The following HGF variants were observed in gnomAD, a reference collection of about 807,000 sequenced individuals.
HGF encodes the protein hepatocyte growth factor.
HGF carries 39 observed loss-of-function variants against 111.6 expected under a neutral mutation model. The observed-to-expected ratio is 0.35, with a 90% CI of 0.27 to 0.46. HGF has a LOEUF of 0.46. HGF is among the 20% of genes least tolerant of loss of function. HGF has a pLI of 1.00. For synonymous variants in HGF, 285 were observed against 294.8 expected, an observed-to-expected ratio of 0.97 and a Z score of 0.34; for missense variants, 735 against 910.5, an observed-to-expected ratio of 0.81 and a Z score of 2.48.
intron 7 of HGF, among the ~76,000 whole-genome samples, chr7:81,734,024 T>A (rs1341379587): frequency 1.3e-5 from 2 of 152,114 alleles, no homozygotes; most frequent in African/African-American, 4.8e-5. Flanking sequence ...ACATGGGACC[T>A]GAGTAAGGGA....
chr7:81,710,051 G>T (rs1789531146), intron 13 of HGF, 96 bp downstream of exon 13: 2 of 867,228 alleles, frequency 2.3e-6, no homozygotes, highest in East Asian at 2.5e-5. Context: ...CCTGTGGAGG[G>T]TACAACCTTC....
intron 7 of HGF, among the ~76,000 whole-genome samples, chr7:81,741,532 G>A (rs1788000610): frequency 6.6e-6 from 1 of 151,984 alleles, no homozygotes; most frequent in South Asian, 2.1e-4. Flanking sequence ...CTTGGTGTGT[G>A]CATGCCAGTT....
chr7:81,762,517 C>T (rs1161483702), intron 2 of HGF, among the ~76,000 whole-genome samples, 190 bp downstream of exon 2: 3 of 152,126 alleles, frequency 2.0e-5, no homozygotes, highest in Admixed American at 1.3e-4. Flanking sequence ...GCAGTTTTTG[C>T]GCTCTCCCTT....
intron 7 of HGF, among the ~76,000 whole-genome samples, chr7:81,737,491 G>A (rs746441967): frequency 6.6e-6 from 1 of 152,012 alleles, no homozygotes; most frequent in Non-Finnish European, 1.5e-5. Flanking sequence ...GGGTCCAGGA[G>A]ATCAAAACTA....
intron 5 of HGF, among the ~76,000 whole-genome samples, chr7:81,748,910 T>C (rs1050834560): frequency 3.3e-5 from 5 of 152,174 alleles, no homozygotes; most frequent in Non-Finnish European, 7.4e-5. Context: ...TTCTCCGTCA[T>C]AAAACAGGAG....
At chr7:81,740,497 T>C (rs1787967711) in intron 7 of HGF, among the ~76,000 whole-genome samples, 1 of 152,206 alleles carries the variant, frequency 6.6e-6, no homozygotes, top group Admixed American at 6.5e-5. Context: ...GGTTATATTA[T>C]ACAACAAAGA....
At chr7:81,717,405 T>C in intron 10 of HGF, 40 bp from the exon 11 acceptor site, 3 of 1,590,462 alleles carry the variant, frequency 1.9e-6, no homozygotes, top group Non-Finnish European at 2.6e-6. Context: ...AAGATGCTCA[T>C]TCCATCCAAG....
At chr7:81,706,746 T>G (rs1393391722) in intron 14 of HGF, among the ~76,000 whole-genome samples, 2 of 152,006 alleles carry the variant, frequency 1.3e-5, no homozygotes, top group African/African-American at 4.8e-5. Context: ...AAATTTTGCT[T>G]TGTTTATGTC....
intron 11 of HGF, among the ~76,000 whole-genome samples, chr7:81,713,537 CA>C (rs11432359): frequency 0.013 from 1,859 of 144,010 alleles, 32 homozygotes; most frequent in African/African-American, 0.042. Context: ...TACTCTGTCT[CA>C]AAAAAAAAAA....
At chr7:81,718,474 T>C (rs1188211996) in intron 10 of HGF, among the ~76,000 whole-genome samples, 1 of 152,194 alleles carries the variant, frequency 6.6e-6, no homozygotes, top group Non-Finnish European at 1.5e-5. Context: ...GAGTCAGTGC[T>C]CAAAACCGCC....
intron 1 of HGF, among the ~76,000 whole-genome samples, chr7:81,768,145 C>T (rs561123112): frequency 2.6e-5 from 4 of 152,272 alleles, no homozygotes; most frequent in African/African-American, 7.2e-5. Flanking sequence ...ATGTATGTCT[C>T]CTGCCAAAAG....
chr7:81,707,486 T>G, intron 13 of HGF, 122 bp from the exon 14 acceptor site: 1 of 668,498 alleles, frequency 1.5e-6, no homozygotes, highest in Non-Finnish European at 2.7e-6. Flanking sequence ...ATATAGAAAT[T>G]AACCCAACTG....
intron 12 of HGF, 22 bp from the exon 13 acceptor site, chr7:81,710,265 C>T (rs1236793997): frequency 6.6e-7 from 1 of 1,521,384 alleles, no homozygotes. Context: ...CCAAACATAA[C>T]ATTTTTTAAA....
At chr7:81,738,647 T>A (rs1044336134) in intron 7 of HGF, among the ~76,000 whole-genome samples, 2 of 152,144 alleles carry the variant, frequency 1.3e-5, no homozygotes, top group African/African-American at 4.8e-5. Context: ...CTAGAACACA[T>A]TTGTAGTTCA....
chr7:81,726,103 T>G lies in HGF; in HGVS notation c.1041-86A>C, dbSNP rs1790001178. On this transcript the variant is annotated intron_variant, in intron 8 of 17. Transcript: ENST00000222390. ...CTATTACATTTCTAGAATTCTAGAA[T>G]GTATGCATGTTTATAAATAGAGTTC... 6 of 1,293,264 alleles carry G rather than the reference T, an allele frequency of 4.6e-6. No homozygotes were observed. The South Asian group carries it at 7.1e-5, about 15-fold the overall frequency. The allele number at this position is 1,293,264 out of a possible 1,614,324, so 80.1% of individuals were successfully genotyped here. A position where few individuals can be genotyped will look rare whatever the true frequency, so the allele number is the denominator to read the frequency against.
At chr7:81,704,924 A>T (rs1430410348) in intron 17 of HGF, among the ~76,000 whole-genome samples, 1 of 151,858 alleles carries the variant, frequency 6.6e-6, no homozygotes, top group Non-Finnish European at 1.5e-5. Flanking sequence ...AATCTGTTTA[A>T]ACACATACAC....
In HGF at chr7:81,705,451, A is replaced by G; in HGVS notation, c.1949T>C (p.Val650Ala). The change falls in exon 17 of 18, where the codon GTG (valine) becomes GCG (alanine). Residue 650 changes from valine to alanine, a missense_variant. Coordinates refer to ENST00000222390, the MANE Select transcript of HGF (RefSeq NM_000601.6). The part of the protein sequence containing the change: ...EKCSQHHRGK[V>A]TLNESEICAG... Reference sequence around the variant, plus strand: ...ACATATTTCAGACTCATTCAGAGTCACCTTCCCTCGATGATGCTGGCTGCA... The same window carrying G: ...ACATATTTCAGACTCATTCAGAGTCGCCTTCCCTCGATGATGCTGGCTGCA... 6.2e-7 allele frequency: 1 copy of G among 1,612,942 alleles called. No homozygotes were observed. The highest frequency in any genetic ancestry group is 8.5e-7 in the Non-Finnish European group (1 of 1,179,180).
rs200157864 is a variant in HGF at position 81,714,026 on chromosome 7, G to GTA, written c.1406-2508_1406-2507insTA. ...TGTGTGTGTGTGTGTGTGTGTGTGT[G>GTA]TGTATGGCCTCAGAACCAAACATGG... On this transcript the variant is annotated intron_variant, in intron 11 of 17. Transcript: ENST00000222390. Among the ~76,000 whole-genome samples, 130 of 149,146 alleles carry GTA rather than the reference G, an allele frequency of 8.7e-4. 3 individuals are homozygous for GTA. Among genetic ancestry groups the GTA allele is most frequent in the Non-Finnish European group, 2.2e-4 (15 of 67,212 alleles).
intron 11 of HGF, among the ~76,000 whole-genome samples, chr7:81,712,969 G>A (rs578014728): frequency 2.1e-4 from 32 of 152,264 alleles, no homozygotes; most frequent in African/African-American, 7.7e-4. Context: ...AGTCAGCTGA[G>A]GTCAGAGTTT....
Sources: gnomAD v4.1 joint callset for allele counts (sites outside exome capture counted in the v4.1 genomes callset) on GRCh38, gnomAD v4.1.1 for gene constraint, MANE v1.5 for transcripts, NCBI Gene and HGNC (gene_info 2026-07-23, HGNC 2026-07-21) for gene names.